NKAIN2: variants seen among roughly 807,000 people sequenced by gnomAD.
The protein encoded by NKAIN2 is sodium/potassium transporting ATPase interacting 2.
A neutral mutation model predicts 32.6 loss-of-function variants in NKAIN2; 14 were observed. The ratio of observed to expected loss-of-function variants is 0.43; its 90% CI spans 0.28 to 0.67. NKAIN2 has a LOEUF of 0.67. Ranked by LOEUF, NKAIN2 falls within the 30% of genes least tolerant of loss-of-function variation. NKAIN2 has a pLI of 0.17. For missense variants in NKAIN2, 198 were observed against 258.3 expected, an observed-to-expected ratio of 0.77 and a Z score of 1.60; for synonymous variants, 80 against 87.2, an observed-to-expected ratio of 0.92 and a Z score of 0.46.
At chr6:124,168,734 A>G (rs1788698226) in intron 1 of NKAIN2, among the ~76,000 whole-genome samples, 1 of 152,132 alleles carries the variant, frequency 6.6e-6, no homozygotes, top group Admixed American at 6.6e-5. Context: ...AGAATCAGTC[A>G]TCTTAATGAT....
chr6:123,858,335 C>T (rs1775645081), intron 1 of NKAIN2, among the ~76,000 whole-genome samples: 1 of 152,018 alleles, frequency 6.6e-6, no homozygotes, highest in South Asian at 2.1e-4. Context: ...AGGCTGGTCT[C>T]AAACTCCCGA....
intron 3 of NKAIN2, among the ~76,000 whole-genome samples, chr6:124,564,353 G>C (rs1265778731): frequency 6.6e-6 from 1 of 152,124 alleles, no homozygotes; most frequent in Admixed American, 6.6e-5. Context: ...TCAGCACTCT[G>C]TAAAATGGAC....
chr6:124,082,314 C>T (rs1044595502), intron 1 of NKAIN2, among the ~76,000 whole-genome samples: 1 of 152,036 alleles, frequency 6.6e-6, no homozygotes, highest in Admixed American at 6.6e-5. Context: ...TTGCTTAATG[C>T]TATAGGCTCT....
intron 1 of NKAIN2, among the ~76,000 whole-genome samples, chr6:124,024,388 C>T (rs905109595): frequency 6.6e-6 from 1 of 152,128 alleles, no homozygotes; most frequent in African/African-American, 2.4e-5. Context: ...TAGAACAACA[C>T]ACCTGCTGAA....
At chr6:124,707,974 G>A (rs886130690) in intron 4 of NKAIN2, among the ~76,000 whole-genome samples, 240 of 149,462 alleles carry the variant, frequency 1.6e-3, no homozygotes, top group African/African-American at 5.5e-3. Context: ...TATGGTTTTA[G>A]GTCTAACGTT....
chr6:124,485,154 CAA>C (rs1341834954), intron 3 of NKAIN2, among the ~76,000 whole-genome samples: 5 of 152,138 alleles, frequency 3.3e-5, no homozygotes, highest in African/African-American at 9.7e-5. Context: ...CGGTAATCCT[CAA>C]AGGATGGGCC....
intron 1 of NKAIN2, among the ~76,000 whole-genome samples, chr6:123,950,200 G>C (rs1003840807): frequency 6.6e-6 from 1 of 151,800 alleles, no homozygotes; most frequent in African/African-American, 2.4e-5. Context: ...CTTGTATTTT[G>C]TTGAGAATTT....
Position 124,227,414 on chromosome 6 carries a change from C to T in NKAIN2, c.55-55591C>T, listed in dbSNP as rs189819669. ...ATTGAAGTTGGCATTTACACTCACG[C>T]GTAATTCTCTAAGGATTCAGTCCCT... is the stretch of plus-strand genomic sequence containing the variant. On this transcript the variant is annotated intron_variant, in intron 1 of 6. Transcript: ENST00000368417. Among the ~76,000 whole-genome samples, 165 of 152,274 alleles carry T rather than the reference C, an allele frequency of 1.1e-3. 2 individuals carry two copies. In the Middle Eastern group the frequency reaches 0.014, roughly 13 times the overall value.
intron 1 of NKAIN2, among the ~76,000 whole-genome samples, chr6:123,917,925 A>G (rs1437896545): frequency 6.6e-6 from 1 of 152,192 alleles, no homozygotes; most frequent in Non-Finnish European, 1.5e-5. Flanking sequence ...TTAAAATTTT[A>G]GGAATTTTTG....
At chr6:123,886,888 CTT>C (rs1418161978) in intron 1 of NKAIN2, among the ~76,000 whole-genome samples, 1 of 152,020 alleles carries the variant, frequency 6.6e-6, no homozygotes, top group African/African-American at 2.4e-5. Flanking sequence ...CTTAGTGAAA[CTT>C]AATAACAGGG....
intron 4 of NKAIN2, among the ~76,000 whole-genome samples, chr6:124,699,690 AGTTTCCTGAG>A (rs1455568021): frequency 6.6e-6 from 1 of 152,130 alleles, no homozygotes; most frequent in Non-Finnish European, 1.5e-5. Flanking sequence ...CATGATTACA[AGTTTCCTGAG>A]GTCTCCCCAG....
intron 2 of NKAIN2, 130 bp from the exon 3 acceptor site, chr6:124,355,137 C>T: frequency 3.2e-6 from 2 of 622,698 alleles, no homozygotes; most frequent in Non-Finnish European, 5.7e-6. Flanking sequence ...AATCCTGTTC[C>T]TTAGAGAGAA....
chr6:124,790,259 A>C (rs573089871), intron 4 of NKAIN2, among the ~76,000 whole-genome samples: 1 of 152,160 alleles, frequency 6.6e-6, no homozygotes, highest in African/African-American at 2.4e-5. Flanking sequence ...CTTTGACTTA[A>C]AATGTTCCAC....
In NKAIN2 at chr6:124,753,945, A is replaced by C. The variant is rs190115028; in HGVS notation, c.475-37394A>C. On this transcript the variant is annotated intron_variant, in intron 4 of 6. Coordinates refer to ENST00000368417, the MANE Select transcript of NKAIN2 (RefSeq NM_001040214.3). ...TTTACGTGGGGAAATATATGGAAAA[A>C]TAGGCTGCAAAAGACAATCTCATAC... Among the ~76,000 whole-genome samples the C allele has an allele frequency of 2.0e-5, 3 of 152,234 alleles. No homozygotes were observed. The East Asian group carries it at 5.8e-4, about 30-fold the overall frequency.
At chr6:124,392,960 G>A (rs1354835462) in intron 3 of NKAIN2, among the ~76,000 whole-genome samples, 2 of 152,020 alleles carry the variant, frequency 1.3e-5, no homozygotes, top group Non-Finnish European at 2.9e-5. Context: ...AGCTGTGATT[G>A]CACCCCTGCA....
At chr6:124,193,250 C>G (rs1315989275) in intron 1 of NKAIN2, among the ~76,000 whole-genome samples, 3 of 152,180 alleles carry the variant, frequency 2.0e-5, no homozygotes, top group Admixed American at 6.5e-5. Flanking sequence ...GGGCTCAGTT[C>G]GCACTACCAG....
intron 1 of NKAIN2, among the ~76,000 whole-genome samples, chr6:124,198,690 C>T (rs1334794294): frequency 6.6e-6 from 1 of 151,964 alleles, no homozygotes; most frequent in East Asian, 1.9e-4. Flanking sequence ...AGGAATTGCA[C>T]AGTATTTTGT....
rs138286925 is a variant in NKAIN2 at position 124,023,190 on chromosome 6, A to G, written c.54+218936A>G. ...AAGGAAAGGAAAGGATTGATACAGAAAAAACATCTGAGATTAAACACACAC... is the reference window on the plus strand; with the variant it reads ...AAGGAAAGGAAAGGATTGATACAGAGAAAACATCTGAGATTAAACACACAC... On this transcript the variant is annotated intron_variant, in intron 1 of 6. Transcript: ENST00000368417. 1.7e-3 allele frequency among the ~76,000 whole-genome samples: 252 copies of G among 151,732 alleles called. 2 individuals carry two copies. The highest frequency in any genetic ancestry group is 4.7e-3 in the African/African-American group (196 of 41,358).
chr6:124,755,018 C>A (rs2325791), intron 4 of NKAIN2, among the ~76,000 whole-genome samples: 58,815 of 151,864 alleles, frequency 0.39, 11,945 homozygotes, highest in Non-Finnish European at 0.46. Flanking sequence ...AATTGGCTCA[C>A]AGGATCACAA....
Sources: allele counts gnomAD v4.1 joint callset (sites outside exome capture counted in the v4.1 genomes callset), GRCh38; gene constraint gnomAD v4.1.1; transcripts MANE v1.5; gene names NCBI Gene and HGNC (gene_info 2026-07-23, HGNC 2026-07-21).